BTAF1: variants seen among roughly 807,000 people sequenced by gnomAD.
BTAF1 encodes TATA-binding protein-associated factor 172.
Under a neutral mutation model 227.1 loss-of-function variants are expected in BTAF1, and 38 were observed. The ratio of observed to expected loss-of-function variants is 0.17; its 90% CI spans 0.13 to 0.22. The LOEUF is 0.22. Among genes scored for constraint, BTAF1 ranks in the 10% least tolerant of loss-of-function variants. BTAF1 has a pLI of 1.00. For synonymous variants in BTAF1, 742 were observed against 751.9 expected (o/e 0.99, Z 0.21); for missense variants, 1,598 against 2,204.0 (o/e 0.73, Z 5.51).
rs71949108 is a variant in BTAF1 at position 91,962,306 on chromosome 10, ATAGT to A, written c.1264-228_1264-225del. Among the ~76,000 whole-genome samples the A allele has an allele frequency of 0.26, 39,491 of 149,584 alleles. 6,202 individuals are homozygous for A. The highest frequency in any genetic ancestry group is 0.37 in the Middle Eastern group (109 of 292). ...AGAAGCAATAGGCTGTGTCACACAC[ATAGT>A]TAGGCGTGGTATAGGCTATACTGTT... On this transcript the variant is annotated intron_variant, in intron 11 of 37. Coordinates refer to ENST00000265990, the MANE Select transcript of BTAF1 (RefSeq NM_003972.3).
chr10:91,946,173 A>G (rs951163772), intron 4 of BTAF1, among the ~76,000 whole-genome samples: 5 of 152,218 alleles, frequency 3.3e-5, no homozygotes, highest in Non-Finnish European at 7.3e-5. Context: ...AGCCTGACCA[A>G]CATGGAGAAA....
intron 19 of BTAF1, among the ~76,000 whole-genome samples, chr10:91,984,987 TA>T (rs1445403731): frequency 6.6e-6 from 1 of 152,136 alleles, no homozygotes; most frequent in Non-Finnish European, 1.5e-5. Flanking sequence ...AGTATTTGTT[TA>T]TTTTTTTTTG....
intron 1 of BTAF1, among the ~76,000 whole-genome samples, chr10:91,925,088 A>G (rs1166938426): frequency 6.6e-6 from 1 of 152,232 alleles, no homozygotes; most frequent in Non-Finnish European, 1.5e-5. Context: ...AGGATAACCC[A>G]TTCCTTACAG....
At chr10:91,925,826 C>T (rs1338186949) in intron 1 of BTAF1, among the ~76,000 whole-genome samples, 2 of 152,268 alleles carry the variant, frequency 1.3e-5, no homozygotes, top group East Asian at 3.9e-4. Flanking sequence ...AATCTCTTTA[C>T]GGAATTTTAG....
At chr10:91,983,784 T>C (rs1397044036) in intron 18 of BTAF1, among the ~76,000 whole-genome samples, 1 of 152,226 alleles carries the variant, frequency 6.6e-6, no homozygotes, top group Non-Finnish European at 1.5e-5. Context: ...TTTTAAAATT[T>C]ATATCCACTT....
chr10:91,989,109 G>A (rs1848586433), intron 19 of BTAF1, 45 bp from the exon 20 acceptor site: 1 of 1,492,680 alleles, frequency 6.7e-7, no homozygotes, highest in South Asian at 1.3e-5. Context: ...AGTCTATTTG[G>A]GGTTGATATG....
At position 91,993,669 on chromosome 10, in the gene BTAF1, T is replaced by C. The variant is rs764454640; in HGVS notation, c.3046-25T>C. The C allele has an allele frequency of 2.6e-5, 37 of 1,413,546 alleles. 1 individual carries two copies. The East Asian group carries it at 4.5e-4, about 17-fold the overall frequency. 87.6% of individuals were successfully genotyped at this position (1,413,546 alleles called of 1,614,324 possible). A position where few individuals can be genotyped will look rare whatever the true frequency, so the allele number is the denominator to read the frequency against. On this transcript the variant is annotated intron_variant, in intron 21 of 37. Coordinates refer to ENST00000265990, the MANE Select transcript of BTAF1 (RefSeq NM_003972.3). The stretch of plus-strand genomic sequence containing the variant: ...TATTATGATTTTTTCTGAAATTCTG[T>C]TTTTATCTAACATTTAATTTTAAGG...
Position 91,992,290 on chromosome 10 carries a change from T to G in BTAF1, c.3026T>G (p.Ile1009Ser). Residue 1009 changes from isoleucine to serine, a missense_variant, in exon 21 of 38, where the codon ATT becomes AGT. Around this residue, in one of 10 missense-constraint regions of BTAF1, gnomAD observed 425 missense variants for 491.2 expected, o/e 0.87. Coordinates refer to ENST00000265990, the MANE Select transcript of BTAF1 (RefSeq NM_003972.3). The part of the protein sequence containing the change: ...ADLPAGSSGN[I>S]LVELDEAQKP... Reference sequence around the variant, plus strand: ...CTTCCTGCAGGAAGTAGTGGAAATATTCTTGTTGAACTTGATGAGGTAAGT... The same window carrying G: ...CTTCCTGCAGGAAGTAGTGGAAATAGTCTTGTTGAACTTGATGAGGTAAGT... The G allele has an allele frequency of 6.2e-7, 1 of 1,609,444 alleles. No homozygotes were observed. The highest frequency in any genetic ancestry group is 8.5e-7 in the Non-Finnish European group (1 of 1,178,560).
chr10:91,938,620 G>A (rs886520697), intron 2 of BTAF1, among the ~76,000 whole-genome samples: 4 of 152,134 alleles, frequency 2.6e-5, no homozygotes, highest in Non-Finnish European at 2.9e-5. Context: ...CCACTGATTC[G>A]TATGTCTATC....
chr10:91,984,234 C>T lies in BTAF1; in HGVS notation c.2257C>T (p.Arg753Cys), dbSNP rs1848250469. Residue 753 changes from arginine to cysteine, a missense_variant, in exon 19 of 38, where the codon CGT becomes TGT. Transcript: ENST00000265990. ...CKAVTLAVQPRLLDILSEHLY... is the reference protein window; with the variant it reads ...CKAVTLAVQPCLLDILSEHLY... ...AGCTGTTACCTTAGCTGTGCAGCCG[C>T]GTTTACTTGATATCCTTTCAGAACA... 1.2e-6 allele frequency: 2 copies of T among 1,613,854 alleles called. No individual in the cohort carries two copies. Among genetic ancestry groups the T allele is most frequent in the Non-Finnish European group, 8.5e-7 (1 of 1,179,900 alleles).
At chr10:91,982,826 A>C (rs1848161139) in intron 18 of BTAF1, 65 bp downstream of exon 18, 2 of 1,450,452 alleles carry the variant, frequency 1.4e-6, no homozygotes, top group South Asian at 3.1e-5. Context: ...AGCTGTTAGG[A>C]TTATTTACAA....
At chr10:91,984,461 A>G (rs1047132263) in intron 19 of BTAF1, 57 bp downstream of exon 19, 109 of 1,428,662 alleles carry the variant, frequency 7.6e-5, no homozygotes, top group Non-Finnish European at 9.1e-5. Context: ...TAGGTTAGAA[A>G]TTTGTCATGA....
chr10:91,992,339 T>G, intron 21 of BTAF1, 30 bp downstream of exon 21: 1 of 1,505,412 alleles, frequency 6.6e-7, no homozygotes, highest in Non-Finnish European at 8.9e-7. Context: ...TTTTAATGCT[T>G]TGATTTTTAA....
At chr10:91,949,637 TTTA>T in intron 4 of BTAF1, among the ~76,000 whole-genome samples, 1 of 152,110 alleles carries the variant, frequency 6.6e-6, no homozygotes, top group South Asian at 2.1e-4. Flanking sequence ...ATTTTAGCTT[TTTA>T]GATTTTAGCT....
chr10:91,952,667 G>C (rs1310076400), intron 5 of BTAF1, among the ~76,000 whole-genome samples: 1 of 152,126 alleles, frequency 6.6e-6, no homozygotes, highest in Non-Finnish European at 1.5e-5. Flanking sequence ...TTTAGGGTTG[G>C]GGGTGTGAGT....
In BTAF1 at chr10:92,013,967, G is replaced by A. The variant is rs1237241520; in HGVS notation, c.4522G>A (p.Val1508Ile). The part of the protein sequence containing the change: ...PFLLRRMKED[V>I]LQDLPPKIIQ... The stretch of plus-strand genomic sequence containing the variant: ...TCTTTTGAGAAGAATGAAAGAAGAT[G>A]TTTTGCAGGATCTTCCACCTAAAAT... The change falls in exon 32 of 38, where the codon GTT (valine) becomes ATT (isoleucine). Residue 1508 changes from valine (V) to isoleucine (I), a missense_variant. Val to Ile is a conservative substitution (Grantham distance 29). Coordinates refer to ENST00000265990, the MANE Select transcript of BTAF1 (RefSeq NM_003972.3). 6.2e-7 allele frequency: 1 copy of A among 1,613,586 alleles called. No individual in the cohort carries two copies. Among genetic ancestry groups the A allele is most frequent in the Non-Finnish European group, 8.5e-7 (1 of 1,179,820 alleles).
At chr10:92,005,236 G>GTT (rs74317359) in intron 25 of BTAF1, among the ~76,000 whole-genome samples, 2 of 151,428 alleles carry the variant, frequency 1.3e-5, no homozygotes, top group African/African-American at 4.9e-5. Context: ...TTCCACATGA[G>GTT]TTTTTTTGTT....
chr10:91,968,673 T>A (rs2133930487), intron 14 of BTAF1, among the ~76,000 whole-genome samples: 1 of 152,328 alleles, frequency 6.6e-6, no homozygotes, highest in South Asian at 2.1e-4. Flanking sequence ...GAGTGAGGGT[T>A]CCTATTGCTT....
At chr10:91,928,203 T>G (rs539140440) in intron 1 of BTAF1, among the ~76,000 whole-genome samples, 1 of 152,276 alleles carries the variant, frequency 6.6e-6, no homozygotes, top group South Asian at 2.1e-4. Context: ...TGTGGTCAAA[T>G]TTTTTAGACC....
Sources: gnomAD v4.1 joint callset for allele counts (sites outside exome capture counted in the v4.1 genomes callset) on GRCh38, gnomAD v4.1.1 for gene constraint, gnomAD v4.1.1 regional missense constraint, MANE v1.5 for transcripts, NCBI Gene and HGNC (gene_info 2026-07-23, HGNC 2026-07-21) for gene names.